ATP10D: variants seen among roughly 807,000 people sequenced by gnomAD.
ATP10D encodes ATPase phospholipid transporting 10D (putative).
A neutral mutation model predicts 144.8 loss-of-function variants in ATP10D; 89 were observed. The observed-to-expected ratio is 0.61, with a 90% CI of 0.52 to 0.73. The LOEUF is 0.73. Ranked by LOEUF, ATP10D falls within the 30% of genes least tolerant of loss-of-function variation. The pLI, the probability that ATP10D is intolerant of heterozygous loss-of-function variation, is 0.00. For missense variants in ATP10D, 1,603 were observed against 1,714.8 expected (o/e 0.93, Z 1.15); for synonymous variants, 571 against 615.1 (o/e 0.93, Z 1.06).
At chr4:47,554,674 A>G in intron 10 of ATP10D, 52 bp from the exon 11 acceptor site, 3 of 1,422,766 alleles carry the variant, frequency 2.1e-6, no homozygotes, top group East Asian at 4.7e-5. Flanking sequence ...TTGATTTAAA[A>G]CTAATTTTTA....
At chr4:47,581,312 A>G (rs1227390941) in intron 20 of ATP10D, among the ~76,000 whole-genome samples, 1 of 152,230 alleles carries the variant, frequency 6.6e-6, no homozygotes, top group Non-Finnish European at 1.5e-5. Context: ...TCATCCACAT[A>G]TACCCTTCTC....
intron 1 of ATP10D, among the ~76,000 whole-genome samples, chr4:47,504,213 T>C (rs539608592): frequency 2.0e-5 from 3 of 152,372 alleles, no homozygotes; most frequent in Admixed American, 6.5e-5. Context: ...CAAAAGCCCA[T>C]ATTAGATATA....
intron 14 of ATP10D, among the ~76,000 whole-genome samples, chr4:47,563,010 C>G (rs958834488): frequency 6.6e-6 from 1 of 152,030 alleles, no homozygotes; most frequent in African/African-American, 2.4e-5. Context: ...TAAGTGAGAG[C>G]TAAATAACAT....
chr4:47,569,744 G>T (rs932095360), intron 16 of ATP10D, among the ~76,000 whole-genome samples: 1 of 152,176 alleles, frequency 6.6e-6, no homozygotes, highest in African/African-American at 2.4e-5. Context: ...ATGGGCTGGG[G>T]CTGCTCTTTT....
chr4:47,497,157 A>T (rs1163125394), intron 1 of ATP10D, among the ~76,000 whole-genome samples: 2 of 151,986 alleles, frequency 1.3e-5, no homozygotes, highest in East Asian at 1.9e-4. Flanking sequence ...ATATTAATTT[A>T]AAAAATAGAC....
In ATP10D at chr4:47,576,764, T is replaced by C; in HGVS notation, c.3367-9T>C. The C allele has an allele frequency of 6.2e-7, 1 of 1,611,658 alleles. No individual in the cohort carries two copies. Among genetic ancestry groups the C allele is most frequent in the African/African-American group, 1.3e-5 (1 of 74,970 alleles). On this transcript the variant is annotated splice_polypyrimidine_tract_variant and intron_variant, in intron 18 of 22. Transcript: ENST00000273859. ...TCTAAGATCTGAATGTCCTTCTTTG[T>C]GTCTCTAGGCCTATGTGAACCTCCT...
intron 1 of ATP10D, among the ~76,000 whole-genome samples, chr4:47,509,946 GTGT>G (rs1716226830): frequency 3.2e-4 from 3 of 9,326 alleles, no homozygotes; most frequent in South Asian, 2.2e-3. Flanking sequence ...TTTCAGGGGT[GTGT>G]GTGTGTGTGT....
At chr4:47,554,299 T>G (rs1313120572) in intron 10 of ATP10D, among the ~76,000 whole-genome samples, 2 of 152,228 alleles carry the variant, frequency 1.3e-5, no homozygotes, top group African/African-American at 4.8e-5. Context: ...CATAAAATAC[T>G]TTGTTTCAAT....
chr4:47,493,240 G>T (rs917162905), intron 1 of ATP10D, among the ~76,000 whole-genome samples: 1 of 152,146 alleles, frequency 6.6e-6, no homozygotes, highest in Non-Finnish European at 1.5e-5. Flanking sequence ...AAGATTAGCT[G>T]CATAAAAATC....
rs924128502 is a variant in ATP10D, at chr4:47,591,367, G to C, written c.4267G>C (p.Gly1423Arg). The C allele has an allele frequency of 2.5e-6, 4 of 1,596,480 alleles. No individual in the cohort carries two copies. In the African/African-American group the frequency reaches 5.4e-5, roughly 22 times the overall value. Residue 1423 changes from glycine to arginine, a missense_variant, in exon 23 of 23, where the codon GGT becomes CGT. Transcript: ENST00000273859. ...CTTTGAGATGGCTGGACCCTCCAAA[G>C]GTAAAGAAAGCTAGATACCCTCCTT... ...KAFEMAGPSK[G>R]KES
intron 3 of ATP10D, among the ~76,000 whole-genome samples, chr4:47,522,806 C>T (rs1717013400): frequency 1.3e-5 from 2 of 152,168 alleles, no homozygotes; most frequent in Non-Finnish European, 1.5e-5. Flanking sequence ...TGACCTCAGG[C>T]GATCCACCCA....
intron 6 of ATP10D, 117 bp from the exon 7 acceptor site, chr4:47,535,784 CA>C (rs1717814183): frequency 7.4e-7 from 1 of 1,356,306 alleles, no homozygotes; most frequent in Non-Finnish European, 9.9e-7. Context: ...ATTGAACTGA[CA>C]AAATAGATCA....
chr4:47,567,051 C>T (rs1309863014), intron 15 of ATP10D, among the ~76,000 whole-genome samples: 1 of 151,768 alleles, frequency 6.6e-6, no homozygotes, highest in Non-Finnish European at 1.5e-5. Context: ...GAAAAGAAGA[C>T]TTTGCTACAG....
chr4:47,550,944 G>A (rs1718701685), intron 10 of ATP10D, among the ~76,000 whole-genome samples: 1 of 152,234 alleles, frequency 6.6e-6, no homozygotes, highest in Non-Finnish European at 1.5e-5. Flanking sequence ...TTAATAGAGT[G>A]AAATAGAGCT....
chr4:47,580,584 C>G, intron 20 of ATP10D, 106 bp downstream of exon 20: 1 of 977,552 alleles, frequency 1.0e-6, no homozygotes, highest in South Asian at 1.3e-5. Flanking sequence ...CTCATATAAT[C>G]AGGTTGATTA....
In ATP10D at chr4:47,549,288, C is replaced by T. The variant is rs565592175; in HGVS notation, c.1635+2426C>T. On this transcript the variant is annotated intron_variant, in intron 10 of 22. Coordinates refer to ENST00000273859, the MANE Select transcript of ATP10D (RefSeq NM_020453.4). ...CTGTCATTGAGCCTCAGCTCAAATA[C>T]CTTCTCAGTGAAGCTTTCTCTGTCA... Among the ~76,000 whole-genome samples the T allele has an allele frequency of 2.6e-5, 4 of 152,314 alleles. No individual in the cohort carries two copies. In the East Asian group the frequency reaches 7.7e-4, roughly 29 times the overall value.
chr4:47,532,585 G>A (rs545766244), intron 5 of ATP10D, among the ~76,000 whole-genome samples: 1 of 152,268 alleles, frequency 6.6e-6, no homozygotes, highest in African/African-American at 2.4e-5. Context: ...GTGATTTTCT[G>A]TGGAATTATT....
intron 1 of ATP10D, among the ~76,000 whole-genome samples, chr4:47,497,172 G>A (rs542566371): frequency 6.6e-6 from 1 of 152,034 alleles, no homozygotes; most frequent in African/African-American, 2.4e-5. Context: ...ATAGACCATT[G>A]TAGCCGGGCA....
chr4:47,495,339 A>G (rs111697179), intron 1 of ATP10D, among the ~76,000 whole-genome samples: 14 of 152,310 alleles, frequency 9.2e-5, no homozygotes, highest in Admixed American at 5.9e-4. Context: ...AAAGAAAAAA[A>G]AGAGTTAAAG....
Sources: allele counts gnomAD v4.1 joint callset (sites outside exome capture counted in the v4.1 genomes callset), GRCh38; gene constraint gnomAD v4.1.1; transcripts MANE v1.5; gene names NCBI Gene and HGNC (gene_info 2026-07-23, HGNC 2026-07-21).